Variants in TRHDE observed in about 807,000 individuals in gnomAD.
TRHDE encodes thyrotropin releasing hormone degrading enzyme.
A neutral mutation model predicts 125.7 loss-of-function variants in TRHDE; 72 were observed. The observed-to-expected ratio is 0.57, with a 90% confidence interval of 0.47 to 0.70. TRHDE has a LOEUF of 0.70. TRHDE is among the 30% of genes least tolerant of loss of function. The pLI is 0.00. For synonymous variants in TRHDE, 509 were observed against 509.1 expected, an observed-to-expected ratio of 1.00 and a Z score of 0.00; for missense variants, 1,110 against 1,327.1, an observed-to-expected ratio of 0.84 and a Z score of 2.54.
intron 5 of TRHDE, among the ~76,000 whole-genome samples, chr12:72,493,035 A>G (rs983990634): frequency 1.3e-5 from 2 of 151,930 alleles, no homozygotes; most frequent in Admixed American, 1.3e-4. Flanking sequence ...TTGTGTCTCA[A>G]TTATGTCTCC....
intron 7 of TRHDE, among the ~76,000 whole-genome samples, chr12:72,553,792 T>C (rs993951664): frequency 2.6e-5 from 4 of 151,454 alleles, no homozygotes; most frequent in African/African-American, 7.3e-5. Context: ...AATTTTCTTT[T>C]CTTTCCTTTC....
chr12:72,539,300 C>T (rs1340047416), intron 6 of TRHDE, among the ~76,000 whole-genome samples: 1 of 151,850 alleles, frequency 6.6e-6, no homozygotes, highest in Non-Finnish European at 1.5e-5. Context: ...GGATACCAAA[C>T]ATACCACCTT....
At chr12:72,560,015 A>C (rs1456034718) in intron 7 of TRHDE, among the ~76,000 whole-genome samples, 1 of 152,210 alleles carries the variant, frequency 6.6e-6, no homozygotes, top group African/African-American at 2.4e-5. Flanking sequence ...GAAAAAAAAT[A>C]GATGACTGAT....
chr12:72,468,357 A>G (rs1876482258), intron 3 of TRHDE, among the ~76,000 whole-genome samples: 1 of 152,184 alleles, frequency 6.6e-6, no homozygotes, highest in African/African-American at 2.4e-5. Flanking sequence ...GCTGTGTAAT[A>G]TTCCTTTATA....
rs962191637 is a variant in TRHDE, at chr12:72,272,761, TC to T, written c.119del (p.Ser40TyrfsTer151). The stretch of plus-strand genomic sequence containing the variant: ...GGAGGAGGGGGCCGAGAAGAGCAGC[TC>T]ACCCTTCGCAGCCGCGATGGGGGAA... ...EEEEGAEKSSSPFAAAMGEDD... is the reference protein window; with the variant it reads ...EEEEGAEKSSXPFAAAMGEDD... On this transcript the variant is annotated frameshift_variant, in exon 1 of 19. Transcript: ENST00000261180. LOFTEE classifies it high-confidence loss of function. The surrounding 1 kb of genome is among the most constrained non-coding windows in gnomAD (Gnocchi z 6.7). The T allele has an allele frequency of 1.4e-5, 21 of 1,534,760 alleles. No homozygotes were observed. The highest frequency in any genetic ancestry group is 1.8e-5 in the Non-Finnish European group (20 of 1,142,794).
chr12:72,523,763 T>C (rs73346591), intron 6 of TRHDE, among the ~76,000 whole-genome samples: 1 of 152,168 alleles, frequency 6.6e-6, no homozygotes, highest in Admixed American at 6.5e-5. Context: ...TTTGCTTGTC[T>C]TGACATAAAA....
At chr12:72,172,284 C>T (rs641538) in intron 2 of TRHDE, among the ~76,000 whole-genome samples, 1 of 152,198 alleles carries the variant, frequency 6.6e-6, no homozygotes, top group African/African-American at 2.4e-5. Flanking sequence ...ATTGAGAACA[C>T]TGCATGACAG....
intron 3 of TRHDE, among the ~76,000 whole-genome samples, chr12:72,385,348 T>G (rs1390349443): frequency 6.6e-6 from 1 of 152,108 alleles, no homozygotes; most frequent in Non-Finnish European, 1.5e-5. Context: ...GAGACTTAGC[T>G]AAGGTGGTAG....
intron 2 of TRHDE, among the ~76,000 whole-genome samples, chr12:72,360,797 T>A (rs1208216965): frequency 6.6e-6 from 1 of 151,746 alleles, no homozygotes; most frequent in Admixed American, 6.6e-5. Context: ...AGGGAGTGTT[T>A]TGCAGTTATG....
intron 15 of TRHDE, among the ~76,000 whole-genome samples, chr12:72,640,493 C>T (rs1044030127): frequency 3.9e-5 from 6 of 152,226 alleles, no homozygotes; most frequent in Non-Finnish European, 5.9e-5. Context: ...GAGCTGTAGA[C>T]CGGAGCTGTT....
At position 72,175,128 on chromosome 12, in the gene TRHDE, G is replaced by A. The variant is rs749368004; in HGVS notation, n.279+69376G>A. On this transcript the variant is annotated intron_variant and non_coding_transcript_variant, in intron 2 of 4. Transcript: ENST00000548156. ...TCATGTTGAATAGTTGAAACTTTAT[G>A]CTCAGTGATTAGCAATTCCCCTTTT... is the stretch of plus-strand genomic sequence containing the variant. Among the ~76,000 whole-genome samples the A allele has an allele frequency of 9.7e-4, 148 of 152,120 alleles. 1 individual carries two copies. Among genetic ancestry groups the A allele is most frequent in the Non-Finnish European group, 1.5e-3 (101 of 68,022 alleles).
At chr12:72,410,165 A>G (rs1043628620) in intron 3 of TRHDE, among the ~76,000 whole-genome samples, 1 of 151,990 alleles carries the variant, frequency 6.6e-6, no homozygotes, top group African/African-American at 2.4e-5. Flanking sequence ...GTTAAGTAAA[A>G]TGAACAAATT....
At chr12:72,410,506 G>A (rs180918064) in intron 3 of TRHDE, among the ~76,000 whole-genome samples, 16 of 151,790 alleles carry the variant, frequency 1.1e-4, no homozygotes, top group Middle Eastern at 3.5e-3. Context: ...GCAAAATTTC[G>A]CAAATATAAA....
At chr12:72,297,386 G>A (rs540096327) in intron 2 of TRHDE, among the ~76,000 whole-genome samples, 1 of 152,270 alleles carries the variant, frequency 6.6e-6, no homozygotes, top group East Asian at 1.9e-4. Context: ...ATTTCAGGGT[G>A]AGTTGGTGGA....
At position 72,098,119 on chromosome 12, in the gene TRHDE, G is replaced by C. The variant is rs183634330; in HGVS notation, n.175-7529G>C. On this transcript the variant is annotated intron_variant and non_coding_transcript_variant, in intron 1 of 4. Coordinates refer to the TRHDE transcript ENST00000548156. The stretch of plus-strand genomic sequence containing the variant: ...GCTTGTCTCAAACTCCTGAGCTCAA[G>C]CTATCCTCCTGCCTCAGCCTTCCAA... Among the ~76,000 whole-genome samples, 40 of 152,202 alleles carry C rather than the reference G, an allele frequency of 2.6e-4. No individual in the cohort carries two copies. The East Asian group carries it at 7.7e-3, about 29-fold the overall frequency.
At chr12:72,402,742 G>A (rs1334739299) in intron 3 of TRHDE, among the ~76,000 whole-genome samples, 2 of 152,108 alleles carry the variant, frequency 1.3e-5, no homozygotes, top group Non-Finnish European at 2.9e-5. Flanking sequence ...TTTTAATGAT[G>A]CTAGATTTCT....
At chr12:72,286,032 C>G (rs1036094694) in intron 1 of TRHDE, among the ~76,000 whole-genome samples, 3 of 152,200 alleles carry the variant, frequency 2.0e-5, no homozygotes, top group South Asian at 2.1e-4. Context: ...TTCTTTTCCT[C>G]TAAGCTGTGC....
rs142993805 is a variant in TRHDE, at chr12:72,174,805, G to A, written n.279+69053G>A. Among the ~76,000 whole-genome samples the A allele has an allele frequency of 8.5e-3, 1,299 of 152,214 alleles. 17 individuals are homozygous for A. Among genetic ancestry groups the A allele is most frequent in the Non-Finnish European group, 0.016 (1,100 of 67,984 alleles). On this transcript the variant is annotated intron_variant and non_coding_transcript_variant, in intron 2 of 4. Coordinates refer to the TRHDE transcript ENST00000548156. ...CCTTATTATTGATGGTATTAACTTT[G>A]TCATTTCATTAAGGTGGTGTCCACC...
At chr12:72,285,960 G>A (rs1236842682) in intron 1 of TRHDE, among the ~76,000 whole-genome samples, 2 of 152,176 alleles carry the variant, frequency 1.3e-5, no homozygotes, top group African/African-American at 2.4e-5. Flanking sequence ...CTCCAAGAAA[G>A]GTTGAAGATG....
Sources: allele counts gnomAD v4.1 joint callset (sites outside exome capture counted in the v4.1 genomes callset), GRCh38; gene constraint gnomAD v4.1.1; non-coding constraint Gnocchi (gnomAD v3.1); transcripts MANE v1.5; gene names NCBI Gene and HGNC (gene_info 2026-07-23, HGNC 2026-07-21).